The following PCDH11Y variants were observed in gnomAD, a reference collection of about 807,000 sequenced individuals.
PCDH11Y encodes the protein protocadherin 11 Y-linked, also known as protocadherin-11 Y-linked.
For synonymous variants in PCDH11Y, 9 were observed against 83.6 expected (o/e 0.11, Z 4.87); for missense variants, 12 against 224.8 (o/e 0.05, Z 6.05).
chrY:5,741,976 T>A, exon 5 of PCDH11Y: 1 of 31,903 alleles, frequency 3.1e-5, no homozygotes, highest in Admixed American at 2.9e-4. Context: ...ATATTAAGAT[T>A]TTTATGAAAT....
chrY:5,441,262 C>G, intron 2 of PCDH11Y, among the ~76,000 whole-genome samples: 1 of 32,524 alleles, frequency 3.1e-5, no homozygotes, highest in Admixed American at 2.9e-4. Flanking sequence ...TAGGGTCAAA[C>G]AATGGACTTG....
At chrY:5,588,914 T>A (rs2124698165) in intron 4 of PCDH11Y, among the ~76,000 whole-genome samples, 1 of 33,073 alleles carries the variant, frequency 3.0e-5, no homozygotes, top group Admixed American at 2.8e-4. Context: ...TTTTATTATT[T>A]CTTTGATAAA....
At chrY:5,720,067 C>T in intron 4 of PCDH11Y, among the ~76,000 whole-genome samples, 1 of 33,174 alleles carries the variant, frequency 3.0e-5, no homozygotes, top group Non-Finnish European at 7.4e-5. Flanking sequence ...TTGGAATAGG[C>T]ATATTTACCC....
At chrY:5,037,849 C>T in intron 3 of PCDH11Y, among the ~76,000 whole-genome samples, 1 of 32,556 alleles carries the variant, frequency 3.1e-5, no homozygotes, top group Non-Finnish European at 7.5e-5. Context: ...GTATAGGGAA[C>T]ATTGAAGGAT....
At chrY:5,516,777 G>T in intron 3 of PCDH11Y, among the ~76,000 whole-genome samples, 2 of 33,252 alleles carry the variant, frequency 6.0e-5, no homozygotes, top group Non-Finnish European at 1.5e-4. Flanking sequence ...AGTAACTCAT[G>T]AAAAGAGAAA....
chrY:5,514,487 A>G, intron 3 of PCDH11Y, among the ~76,000 whole-genome samples: 1 of 31,986 alleles, frequency 3.1e-5, no homozygotes, highest in African/African-American at 1.2e-4. Flanking sequence ...GTAGATTGAT[A>G]ATGTGTCATT....
At chrY:5,625,390 CT>C (rs1237932380) in intron 4 of PCDH11Y, among the ~76,000 whole-genome samples, 1 of 5,473 alleles carries the variant, frequency 1.8e-4, no homozygotes, top group African/African-American at 7.7e-4. Flanking sequence ...ATTTTCTTTT[CT>C]TTTTTTTTTT....
intron 2 of PCDH11Y, among the ~76,000 whole-genome samples, chrY:5,458,716 G>A (rs1602928583): frequency 3.0e-5 from 1 of 33,328 alleles, no homozygotes; most frequent in Admixed American, 2.7e-4. Context: ...GAATTGCATC[G>A]TAGAAATGTT....
intron 3 of PCDH11Y, among the ~76,000 whole-genome samples, chrY:5,039,400 A>G: frequency 3.0e-5 from 1 of 33,292 alleles, no homozygotes; most frequent in Non-Finnish European, 7.4e-5. Context: ...AGTTTTAGCA[A>G]GTGTAAAATA....
At chrY:5,459,624 C>T in intron 2 of PCDH11Y, among the ~76,000 whole-genome samples, 1 of 31,883 alleles carries the variant, frequency 3.1e-5, no homozygotes, top group Non-Finnish European at 7.8e-5. Flanking sequence ...GAAATATTCT[C>T]AACACAATCA....
At chrY:5,041,882 T>A in intron 3 of PCDH11Y, among the ~76,000 whole-genome samples, 1 of 33,553 alleles carries the variant, frequency 3.0e-5, no homozygotes, top group African/African-American at 1.2e-4. Context: ...TTTTTTCATG[T>A]GTTTTTTGGC....
At chrY:5,398,879 G>A in intron 2 of PCDH11Y, among the ~76,000 whole-genome samples, 1 of 33,736 alleles carries the variant, frequency 3.0e-5, no homozygotes. Flanking sequence ...TTTGCTGCGA[G>A]GCAAGCCCAC....
intron 1 of PCDH11Y, among the ~76,000 whole-genome samples, chrY:5,057,870 A>T: frequency 3.3e-5 from 1 of 30,654 alleles, no homozygotes; most frequent in African/African-American, 1.3e-4. Flanking sequence ...TAGATACACA[A>T]ATTTTATCTT....
chrY:5,273,572 TG>T (rs2053040035), intron 2 of PCDH11Y, among the ~76,000 whole-genome samples: 1 of 34,059 alleles, frequency 2.9e-5, no homozygotes, highest in Non-Finnish European at 7.3e-5. Flanking sequence ...TGAGTTTATC[TG>T]AAGACCTGGG....
intron 4 of PCDH11Y, 41 bp downstream of exon 5, chrY:5,581,839 T>C: frequency 1.4e-5 from 5 of 361,311 alleles, no homozygotes; most frequent in Non-Finnish European, 1.9e-5. Context: ...ATGTTGCATG[T>C]TTCATTTTAA....
chrY:5,468,440 C>A (rs2124684423), intron 2 of PCDH11Y, among the ~76,000 whole-genome samples: 1 of 32,223 alleles, frequency 3.1e-5, no homozygotes, highest in African/African-American at 1.2e-4. Flanking sequence ...ATTTAGGGAC[C>A]ATAATGAAGA....
intron 2 of PCDH11Y, among the ~76,000 whole-genome samples, chrY:5,312,274 C>T: frequency 2.2e-4 from 7 of 31,364 alleles, no homozygotes; most frequent in East Asian, 8.3e-4. Flanking sequence ...CAGGTTTGTA[C>T]GTAATTCATA....
chrY:5,383,095 T>TGG (rs2053206813), intron 2 of PCDH11Y, among the ~76,000 whole-genome samples: 1 of 32,207 alleles, frequency 3.1e-5, no homozygotes, highest in African/African-American at 1.2e-4. Context: ...TCCCAGCTGC[T>TGG]GGGGAGGCTG....
At chrY:5,560,578 A>C in intron 3 of PCDH11Y, among the ~76,000 whole-genome samples, 1 of 32,743 alleles carries the variant, frequency 3.1e-5, no homozygotes, top group East Asian at 8.3e-4. Flanking sequence ...CTCCAGCCAC[A>C]AGTAAATGGG....
Sources: gnomAD v4.1 joint callset for allele counts (sites outside exome capture counted in the v4.1 genomes callset) on GRCh38, gnomAD v4.1.1 for gene constraint, MANE v1.5 for transcripts, NCBI Gene and HGNC (gene_info 2026-07-23, HGNC 2026-07-21) for gene names.